CYP7B1: variants seen among roughly 807,000 people sequenced by gnomAD.
CYP7B1 encodes the protein cytochrome P450 family 7 subfamily B member 1.
In CYP7B1, 29 loss-of-function variants were observed where a neutral mutation model predicts 42.7. That is an observed-to-expected ratio of 0.68 (90% CI 0.51 to 0.93). The LOEUF is 0.93. Ranked by LOEUF, CYP7B1 falls within the 40% of genes least tolerant of loss-of-function variation. CYP7B1 has a pLI of 0.00. For missense variants in CYP7B1, 655 were observed against 600.5 expected (o/e 1.09, Z -0.95); for synonymous variants, 235 against 218.2 (o/e 1.08, Z -0.68).
chr8:64,626,725 G>A (rs941719234), intron 1 of CYP7B1, among the ~76,000 whole-genome samples: 1 of 152,062 alleles, frequency 6.6e-6, no homozygotes. Flanking sequence ...AAGGTAAAAA[G>A]AAACAAAAAC....
intron 1 of CYP7B1, among the ~76,000 whole-genome samples, chr8:64,723,878 G>T (rs549939780): frequency 6.6e-6 from 1 of 152,068 alleles, no homozygotes; most frequent in East Asian, 1.9e-4. Context: ...CGTTAAAAGA[G>T]TCTGTTAAAG....
chr8:64,680,880 A>G (rs1275411362), intron 1 of CYP7B1, among the ~76,000 whole-genome samples: 2 of 152,146 alleles, frequency 1.3e-5, no homozygotes, highest in Non-Finnish European at 2.9e-5. Flanking sequence ...AGCTCATGCC[A>G]TCTTCACTTC....
chr8:64,648,715 G>T (rs1416949002), intron 1 of CYP7B1, among the ~76,000 whole-genome samples: 1 of 152,152 alleles, frequency 6.6e-6, no homozygotes, highest in Non-Finnish European at 1.5e-5. Flanking sequence ...TCACAGTGAG[G>T]TATGGTAAAG....
rs900625049 is a variant in CYP7B1, at chr8:64,702,274, G to C, written c.123-77735C>G. ...AGAGGGTAAAAACATTAACTCTATA[G>C]TAGTTATGAAATTGTGTCAGTATCC... On this transcript the variant is annotated intron_variant, in intron 1 of 5. Coordinates refer to ENST00000310193, the MANE Select transcript of CYP7B1 (RefSeq NM_004820.5). Among the ~76,000 whole-genome samples the C allele has an allele frequency of 1.3e-5, 2 of 152,032 alleles. 1 individual carries two copies. Among genetic ancestry groups the C allele is most frequent in the Admixed American group, 1.3e-4 (2 of 15,248 alleles).
At chr8:64,647,983 A>G (rs942778528) in intron 1 of CYP7B1, among the ~76,000 whole-genome samples, 1 of 152,238 alleles carries the variant, frequency 6.6e-6, no homozygotes, top group Non-Finnish European at 1.5e-5. Context: ...GGCTACAATT[A>G]GCTGACAGAT....
At chr8:64,755,265 T>C (rs1807790525) in intron 1 of CYP7B1, among the ~76,000 whole-genome samples, 2 of 152,190 alleles carry the variant, frequency 1.3e-5, no homozygotes, top group Admixed American at 6.5e-5. Context: ...ATGTAAGTGC[T>C]TCATATGATT....
rs752359622 is a variant in CYP7B1 at position 64,615,831 on chromosome 8, T to C, written c.710A>G (p.Asn237Ser). The C allele has an allele frequency of 1.2e-6, 2 of 1,613,774 alleles. No homozygotes were observed. The highest frequency in any genetic ancestry group is 2.2e-5 in the South Asian group (2 of 91,066). The change falls in exon 3 of 6, where the codon AAT becomes AGT. Residue 237 changes from asparagine (N) to serine (S), a missense_variant. Coordinates refer to ENST00000310193, the MANE Select transcript of CYP7B1 (RefSeq NM_004820.5). Reference sequence around the variant, plus strand: ...AATTTTCTCTCTAATAGACTTGACATTTCCTAGAAGCTCAATGGGTATGTT... The same window carrying C: ...AATTTTCTCTCTAATAGACTTGACACTTCCTAGAAGCTCAATGGGTATGTT... ...VSNIPIELLG[N>S]VKSIREKIIK...
chr8:64,611,014 T>C (rs1246956874), intron 4 of CYP7B1, among the ~76,000 whole-genome samples: 1 of 152,162 alleles, frequency 6.6e-6, no homozygotes, highest in Admixed American at 6.6e-5. Flanking sequence ...TAATTATTAA[T>C]ATTATCATTC....
At chr8:64,717,001 A>G (rs1807165691) in intron 1 of CYP7B1, among the ~76,000 whole-genome samples, 2 of 152,206 alleles carry the variant, frequency 1.3e-5, no homozygotes, top group African/African-American at 2.4e-5. Flanking sequence ...GTTCTATCAT[A>G]AAGTGTGTAC....
intron 1 of CYP7B1, among the ~76,000 whole-genome samples, chr8:64,636,048 A>G (rs1805764711): frequency 6.6e-6 from 1 of 152,200 alleles, no homozygotes; most frequent in Admixed American, 6.5e-5. Context: ...GTAGAGTTTT[A>G]AAACTATCAT....
intron 1 of CYP7B1, among the ~76,000 whole-genome samples, chr8:64,774,943 G>T (rs576854965): frequency 6.6e-6 from 1 of 152,222 alleles, no homozygotes; most frequent in African/African-American, 2.4e-5. Context: ...CTGCTCTTTA[G>T]CACTCTGCCA....
chr8:64,646,800 C>T (rs978816098), intron 1 of CYP7B1, among the ~76,000 whole-genome samples: 13 of 152,178 alleles, frequency 8.5e-5, no homozygotes, highest in African/African-American at 3.1e-4. Flanking sequence ...AATATTGTGG[C>T]TGGTTTGATC....
chr8:64,645,930 G>GA (rs908159236), intron 1 of CYP7B1, among the ~76,000 whole-genome samples: 1 of 151,772 alleles, frequency 6.6e-6, no homozygotes, highest in East Asian at 1.9e-4. Flanking sequence ...CAAACCTGAG[G>GA]AAAAAAAAGC....
chr8:64,663,159 A>T (rs1291737428), intron 1 of CYP7B1, among the ~76,000 whole-genome samples: 1 of 152,198 alleles, frequency 6.6e-6, no homozygotes, highest in African/African-American at 2.4e-5. Context: ...CCTTGCTAGA[A>T]GATAACTGCT....
At chr8:64,631,222 T>C (rs1198421679) in intron 1 of CYP7B1, among the ~76,000 whole-genome samples, 2 of 152,096 alleles carry the variant, frequency 1.3e-5, no homozygotes, top group Admixed American at 6.6e-5. Context: ...TCCAACAATG[T>C]ATAATAATTA....
At chr8:64,709,033 C>T (rs1285720075) in intron 1 of CYP7B1, among the ~76,000 whole-genome samples, 1 of 152,170 alleles carries the variant, frequency 6.6e-6, no homozygotes, top group African/African-American at 2.4e-5. Context: ...ATCTGACAGG[C>T]ACTGAGCTGT....
intron 2 of CYP7B1, among the ~76,000 whole-genome samples, chr8:64,617,822 C>T (rs1312685626): frequency 6.6e-6 from 1 of 151,748 alleles, no homozygotes; most frequent in Non-Finnish European, 1.5e-5. Flanking sequence ...AATTTTCAAC[C>T]TCATCCTAGA....
intron 1 of CYP7B1, among the ~76,000 whole-genome samples, chr8:64,710,502 A>G (rs1360787400): frequency 1.3e-5 from 2 of 152,152 alleles, no homozygotes; most frequent in Non-Finnish European, 2.9e-5. Flanking sequence ...TATATATACC[A>G]GGTACCATAT....
At chr8:64,663,145 C>T (rs1414337656) in intron 1 of CYP7B1, among the ~76,000 whole-genome samples, 1 of 152,168 alleles carries the variant, frequency 6.6e-6, no homozygotes, top group East Asian at 1.9e-4. Context: ...TCCCTCCATC[C>T]TCTCCTTGCT....
Sources: allele counts gnomAD v4.1 joint callset (sites outside exome capture counted in the v4.1 genomes callset), GRCh38; gene constraint gnomAD v4.1.1; transcripts MANE v1.5; gene names NCBI Gene and HGNC (gene_info 2026-07-23, HGNC 2026-07-21).